Variants in RBKS observed in about 807,000 individuals in gnomAD.
RBKS encodes the protein ribokinase.
Under a neutral mutation model 33.9 loss-of-function variants are expected in RBKS, and 33 were observed. The observed-to-expected ratio is 0.97, with a 90% CI of 0.74 to 1.30. The LOEUF is 1.30. Among genes scored for constraint, RBKS ranks in the 50% most tolerant of loss-of-function variants. The pLI is 0.00. For missense variants in RBKS, 361 were observed against 392.6 expected (o/e 0.92, Z 0.68); for synonymous variants, 125 against 143.0 (o/e 0.87, Z 0.90).
chr2:27,860,133 T>C (rs1047419223), intron 1 of RBKS, among the ~76,000 whole-genome samples: 3 of 152,178 alleles, frequency 2.0e-5, no homozygotes, highest in Non-Finnish European at 4.4e-5. Flanking sequence ...AATGCATTTA[T>C]AGTACTGATG....
chr2:27,854,349 G>A (rs979931276), intron 2 of RBKS, among the ~76,000 whole-genome samples: 1 of 152,196 alleles, frequency 6.6e-6, no homozygotes. Flanking sequence ...ACTGGACTTT[G>A]AACAGCACCA....
At chr2:27,866,215 TC>T (rs1558554505) in intron 1 of RBKS, among the ~76,000 whole-genome samples, 1 of 152,224 alleles carries the variant, frequency 6.6e-6, no homozygotes, top group Non-Finnish European at 1.5e-5. Context: ...AGTTTAGTTT[TC>T]AAGCACTTTA....
intron 2 of RBKS, among the ~76,000 whole-genome samples, chr2:27,850,411 T>C (rs565118056): frequency 6.6e-6 from 1 of 152,338 alleles, no homozygotes; most frequent in East Asian, 1.9e-4. Context: ...TAAAATGTCA[T>C]ATACCCACCA....
intron 7 of RBKS, among the ~76,000 whole-genome samples, chr2:27,789,958 T>C (rs1253781542): frequency 2.2e-5 from 3 of 137,858 alleles, no homozygotes; most frequent in Non-Finnish European, 4.6e-5. Context: ...TGTATATATA[T>C]ATATATATAT....
At chr2:27,809,848 G>T in intron 7 of RBKS, 1 of 1,018,454 alleles carries the variant, frequency 9.8e-7, no homozygotes, top group Non-Finnish European at 1.3e-6. Flanking sequence ...CCAACCACAG[G>T]TTCCACTTCT....
chr2:27,804,933 G>A lies in RBKS; in HGVS notation c.795+22634C>T, dbSNP rs561835283. On this transcript the variant is annotated intron_variant, in intron 7 of 7. Transcript: ENST00000302188. ...TCCCAGGTACTCTGGAGGTTGAGGT[G>A]GGAGGATTGTTGAAGCCCAGGAAGT... 3.3e-5 allele frequency among the ~76,000 whole-genome samples: 5 copies of A among 152,062 alleles called. No individual in the cohort carries two copies. In the East Asian group the frequency reaches 9.7e-4, roughly 29 times the overall value.
rs1322760555 is a variant in RBKS, at chr2:27,827,753, A to G, written c.609T>C (p.Ala203=). 6.3e-7 allele frequency: 1 copy of G among 1,586,150 alleles called. No individual in the cohort carries two copies. The highest frequency in any genetic ancestry group is 1.9e-5 in the Admixed American group (1 of 52,174). ...SDVFCCNESE[A]EILTGLTVGS... The stretch of plus-strand genomic sequence containing the variant: ...CCACCGTGAGGCCAGTTAAAATCTC[A>G]GCCTAGAATACACAAAAGTCAACAG... Residue 203 remains alanine (A), a splice_region_variant and synonymous_variant, in exon 7 of 8, where the codon GCT becomes GCC. Coordinates refer to ENST00000302188, the MANE Select transcript of RBKS (RefSeq NM_022128.3).
rs547498402 is a variant in RBKS at position 27,802,598 on chromosome 2, A to G, written c.796-20810T>C. ...TGAAGCAGGACCTCTTGTCCCAAAG[A>G]ACTACCAGTGGCCCAGTCAGGGACT... On this transcript the variant is annotated intron_variant, in intron 7 of 7. Coordinates refer to ENST00000302188, the MANE Select transcript of RBKS (RefSeq NM_022128.3). 2.0e-5 allele frequency among the ~76,000 whole-genome samples: 3 copies of G among 152,270 alleles called. No homozygotes were observed. In the East Asian group the frequency reaches 5.8e-4, roughly 29 times the overall value.
At chr2:27,827,786 G>A in intron 6 of RBKS, 31 bp from the exon 7 acceptor site, 1 of 1,509,002 alleles carries the variant, frequency 6.6e-7, no homozygotes, top group Non-Finnish European at 8.9e-7. Context: ...CAGAAACAGT[G>A]GTGAAAATAA....
intron 1 of RBKS, among the ~76,000 whole-genome samples, chr2:27,878,045 T>C (rs1436620121): frequency 6.6e-6 from 1 of 152,108 alleles, no homozygotes. Context: ...TTAATTATTA[T>C]TATACTTTAA....
intron 1 of RBKS, among the ~76,000 whole-genome samples, chr2:27,877,727 G>T (rs1384095311): frequency 2.6e-5 from 4 of 152,040 alleles, no homozygotes; most frequent in Admixed American, 1.3e-4. Flanking sequence ...GTGAATGCTT[G>T]ATTCATGCCC....
At chr2:27,803,044 G>A (rs1573038902) in intron 7 of RBKS, among the ~76,000 whole-genome samples, 1 of 152,022 alleles carries the variant, frequency 6.6e-6, no homozygotes, top group Admixed American at 6.6e-5. Flanking sequence ...TGCCCAGGCT[G>A]GTCTCAAACT....
intron 4 of RBKS, 118 bp downstream of exon 4, chr2:27,846,924 C>A: frequency 1.6e-6 from 1 of 636,322 alleles, no homozygotes; most frequent in Non-Finnish European, 2.9e-6. Flanking sequence ...TGTTTTAGGC[C>A]TTGGAGTGAT....
Position 27,848,019 on chromosome 2 carries a change from A to T in RBKS, c.286+15T>A, listed in dbSNP as rs944160199. 3 of 1,347,492 alleles carry T rather than the reference A, an allele frequency of 2.2e-6. No individual in the cohort carries two copies. Among genetic ancestry groups the T allele is most frequent in the Admixed American group, 2.0e-5 (1 of 50,098 alleles). The allele number at this position is 1,347,492 out of a possible 1,614,324, so 83.5% of individuals were successfully genotyped here. On this transcript the variant is annotated intron_variant, in intron 3 of 7. Coordinates refer to ENST00000302188, the MANE Select transcript of RBKS (RefSeq NM_022128.3). ...AAGCTATAAACACTAACTTTAAAAA[A>T]GGTGGGAATTTTACCTGTAGAAATA...
chr2:27,871,310 T>C (rs1664206204), intron 1 of RBKS, among the ~76,000 whole-genome samples: 1 of 152,232 alleles, frequency 6.6e-6, no homozygotes, highest in African/African-American at 2.4e-5. Flanking sequence ...TGTTTTTTAA[T>C]GCGAGGTGCT....
chr2:27,838,692 A>G (rs1338947252), intron 5 of RBKS, among the ~76,000 whole-genome samples: 1 of 152,248 alleles, frequency 6.6e-6, no homozygotes, highest in Non-Finnish European at 1.5e-5. Flanking sequence ...TCAAAGAAGA[A>G]TGCAAATCTG....
At chr2:27,850,558 A>G (rs1258918623) in intron 2 of RBKS, among the ~76,000 whole-genome samples, 1 of 152,258 alleles carries the variant, frequency 6.6e-6, no homozygotes, top group Non-Finnish European at 1.5e-5. Context: ...AATATCATAC[A>G]GTTGTAATTA....
At chr2:27,814,366 A>G (rs562026762) in intron 7 of RBKS, among the ~76,000 whole-genome samples, 16 of 152,342 alleles carry the variant, frequency 1.1e-4, no homozygotes, top group African/African-American at 3.6e-4. Flanking sequence ...TGGTGAGTCA[A>G]TGGATGTTCA....
At chr2:27,866,466 G>T (rs1488312358) in intron 1 of RBKS, among the ~76,000 whole-genome samples, 1 of 152,104 alleles carries the variant, frequency 6.6e-6, no homozygotes, top group Non-Finnish European at 1.5e-5. Context: ...AAAAATTTCA[G>T]CCATTATTTT....
Sources: gnomAD v4.1 joint callset for allele counts (sites outside exome capture counted in the v4.1 genomes callset) on GRCh38, gnomAD v4.1.1 for gene constraint, MANE v1.5 for transcripts, NCBI Gene and HGNC (gene_info 2026-07-23, HGNC 2026-07-21) for gene names.